EHBP1: variants seen among roughly 807,000 people sequenced by gnomAD.
EHBP1 encodes the protein EH domain binding protein 1.
In EHBP1, 55 loss-of-function variants were observed where a neutral mutation model predicts 144.0. That is an observed-to-expected ratio of 0.38 (90% CI 0.31 to 0.48). The LOEUF is 0.48. EHBP1 is among the 20% of genes least tolerant of loss of function. The pLI is 0.98. For missense variants in EHBP1, 1,200 were observed against 1,364.2 expected (o/e 0.88, Z 1.90); for synonymous variants, 469 against 472.7 (o/e 0.99, Z 0.10).
chr2:62,770,179 TAAAC>T (rs1485140614), intron 4 of EHBP1, among the ~76,000 whole-genome samples: 3 of 151,998 alleles, frequency 2.0e-5, no homozygotes, highest in Non-Finnish European at 2.9e-5. Flanking sequence ...GAGATCTAAT[TAAAC>T]AAGAGCTTCT....
intron 5 of EHBP1, among the ~76,000 whole-genome samples, chr2:62,789,332 T>C (rs1196038331): frequency 1.3e-5 from 2 of 152,282 alleles, no homozygotes; most frequent in South Asian, 4.1e-4. Flanking sequence ...CTTCATCTAT[T>C]TACGTAATTA....
chr2:62,736,438 G>GGTCT (rs1324587746), intron 2 of EHBP1, among the ~76,000 whole-genome samples: 1 of 151,930 alleles, frequency 6.6e-6, no homozygotes, highest in Non-Finnish European at 1.5e-5. Context: ...TGGCCAGGCT[G>GGTCT]GTCTCGAACT....
intron 10 of EHBP1, among the ~76,000 whole-genome samples, chr2:62,901,957 G>C (rs142471543): frequency 1.7e-4 from 26 of 150,050 alleles, no homozygotes; most frequent in Admixed American, 1.4e-3. Flanking sequence ...AGAGTGAAAC[G>C]CTGTCTCAAA....
intron 10 of EHBP1, among the ~76,000 whole-genome samples, chr2:62,882,007 A>G (rs2051471335): frequency 6.6e-6 from 1 of 152,156 alleles, no homozygotes; most frequent in African/African-American, 2.4e-5. Flanking sequence ...TAATTGTATG[A>G]TTTTGGAACC....
At chr2:62,805,547 C>G (rs1156515589) in intron 5 of EHBP1, among the ~76,000 whole-genome samples, 1 of 149,008 alleles carries the variant, frequency 6.7e-6, no homozygotes, top group Admixed American at 6.7e-5. Flanking sequence ...AACAGTCTTA[C>G]TCTGTCACCT....
chr2:62,787,909 C>T (rs113560769), intron 5 of EHBP1, among the ~76,000 whole-genome samples: 3,223 of 152,242 alleles, frequency 0.021, 85 homozygotes, highest in African/African-American at 0.065. Flanking sequence ...TAAAATGGTT[C>T]ACAGAGCACT....
intron 10 of EHBP1, among the ~76,000 whole-genome samples, chr2:62,894,069 A>T (rs2052681845): frequency 1.3e-5 from 2 of 151,914 alleles, no homozygotes; most frequent in Non-Finnish European, 2.9e-5. Flanking sequence ...AACAGCAACA[A>T]CACAAAGACA....
upstream of EHBP1, among the ~76,000 whole-genome samples, chr2:62,700,916 A>G (rs1558516284): frequency 6.6e-6 from 1 of 151,962 alleles, no homozygotes; most frequent in African/African-American, 2.4e-5. Context: ...GGGTCTTGCC[A>G]CCTCCCCAGG....
chr2:63,017,287 G>A (rs1308108005), intron 19 of EHBP1, among the ~76,000 whole-genome samples: 1 of 152,208 alleles, frequency 6.6e-6, no homozygotes, highest in Non-Finnish European at 1.5e-5. Context: ...GCCTCCCAAA[G>A]TGCTGGGATT....
intron 19 of EHBP1, among the ~76,000 whole-genome samples, chr2:63,011,913 G>A (rs955676885): frequency 6.6e-6 from 1 of 151,928 alleles, no homozygotes; most frequent in African/African-American, 2.4e-5. Context: ...TTTAAAGTGA[G>A]CAGTAGAACA....
intron 5 of EHBP1, among the ~76,000 whole-genome samples, chr2:62,822,291 G>A (rs2046042541): frequency 6.6e-6 from 1 of 152,138 alleles, no homozygotes; most frequent in African/African-American, 2.4e-5. Flanking sequence ...CATAGAGGTG[G>A]AGAACTCATT....
chr2:62,795,511 C>G (rs991013740), intron 5 of EHBP1, among the ~76,000 whole-genome samples: 1 of 151,984 alleles, frequency 6.6e-6, no homozygotes, highest in African/African-American at 2.4e-5. Context: ...CCATAAGGTT[C>G]TTAAGGCATC....
intron 5 of EHBP1, among the ~76,000 whole-genome samples, chr2:62,810,511 G>A (rs1355404942): frequency 6.6e-6 from 1 of 152,206 alleles, no homozygotes; most frequent in Non-Finnish European, 1.5e-5. Context: ...TCACTAAGAT[G>A]AGAAACTAAG....
chr2:62,897,472 A>G (rs2053034077), intron 10 of EHBP1, among the ~76,000 whole-genome samples: 2 of 152,230 alleles, frequency 1.3e-5, no homozygotes, highest in South Asian at 2.1e-4. Context: ...CAAAGTATAA[A>G]TGACTGTAAT....
chr2:62,840,044 C>A (rs904215866), intron 7 of EHBP1, among the ~76,000 whole-genome samples: 3 of 152,088 alleles, frequency 2.0e-5, no homozygotes, highest in Admixed American at 6.5e-5. Flanking sequence ...AATCCTAAGC[C>A]AAAAGAACAA....
chr2:62,865,866 G>C (rs951241980), intron 9 of EHBP1, among the ~76,000 whole-genome samples: 18 of 152,192 alleles, frequency 1.2e-4, no homozygotes, highest in Non-Finnish European at 1.9e-4. Flanking sequence ...GGACTTGGGA[G>C]TACTGAGGTG....
At chr2:62,739,488 G>T (rs1305056439) in intron 2 of EHBP1, among the ~76,000 whole-genome samples, 1 of 151,408 alleles carries the variant, frequency 6.6e-6, no homozygotes, top group African/African-American at 2.4e-5. Context: ...TCTTCCAATA[G>T]GTCTAGAAGA....
chr2:63,012,272 C>T (rs2060298547), intron 19 of EHBP1, among the ~76,000 whole-genome samples: 2 of 151,934 alleles, frequency 1.3e-5, no homozygotes, highest in Non-Finnish European at 2.9e-5. Context: ...CCAAATGCTA[C>T]TGTGTCATAT....
chr2:62,730,937 A>C (rs1378642686), intron 2 of EHBP1, among the ~76,000 whole-genome samples: 1 of 35,002 alleles, frequency 2.9e-5, no homozygotes, highest in East Asian at 8.4e-4. Flanking sequence ...AGAGACAGAG[A>C]TAGAAAGACA....
Sources: gnomAD v4.1 joint callset for allele counts (sites outside exome capture counted in the v4.1 genomes callset) on GRCh38, gnomAD v4.1.1 for gene constraint, MANE v1.5 for transcripts, NCBI Gene and HGNC (gene_info 2026-07-23, HGNC 2026-07-21) for gene names.